The following NCAPD3 variants were observed in gnomAD, a reference collection of about 807,000 sequenced individuals.
NCAPD3 encodes the protein non-SMC condensin II complex subunit D3.
A neutral mutation model predicts 182.9 loss-of-function variants in NCAPD3; 105 were observed. That is an observed-to-expected ratio of 0.57 (90% CI 0.49 to 0.68). The LOEUF (loss-of-function observed/expected upper bound fraction) is 0.68, where lower values mean the gene tolerates loss of function less well. NCAPD3 is among the 30% of genes least tolerant of loss of function. NCAPD3 has a pLI of 0.00. For synonymous variants in NCAPD3, 815 were observed against 679.9 expected (o/e 1.20, Z -3.09); for missense variants, 1,944 against 1,837.0 (o/e 1.06, Z -1.07).
intron 13 of NCAPD3, among the ~76,000 whole-genome samples, chr11:134,200,648 C>T (rs1442514309): frequency 1.3e-5 from 2 of 152,082 alleles, no homozygotes; most frequent in Non-Finnish European, 2.9e-5. Flanking sequence ...ATGGTGTGGC[C>T]ACTTTGAAAA....
chr11:134,161,646 AC>A, intron 28 of NCAPD3, 134 bp downstream of exon 28: 1 of 665,360 alleles, frequency 1.5e-6, no homozygotes, highest in Non-Finnish European at 2.7e-6. Context: ...CACAGCAGTT[AC>A]CAAGGTAATG....
rs10665918 is a variant in NCAPD3, at chr11:134,151,844, TATCA to T, written c.*1096_*1099del. On this transcript the variant is annotated 3_prime_UTR_variant, in exon 35 of 35. Coordinates refer to ENST00000534548, the MANE Select transcript of NCAPD3 (RefSeq NM_015261.3). ...GGTTAGGCATGCACACTAAAAATGC[TATCA>T]ATCACCCATCCACCAGGGAAGTCAG... 4.6e-5 allele frequency: 7 copies of T among 151,798 alleles called. No homozygotes were observed. Among genetic ancestry groups the T allele is most frequent in the African/African-American group, 1.7e-4 (7 of 41,394 alleles). 9.4% of individuals were successfully genotyped at this position (151,798 alleles called of 1,614,324 possible).
rs772186821 is a variant in NCAPD3 at position 134,216,927 on chromosome 11, T to TCTA, written c.382+6_382+8dup. 6.2e-7 allele frequency: 1 copy of TCTA among 1,601,174 alleles called. No homozygotes were observed. Among genetic ancestry groups the TCTA allele is most frequent in the Admixed American group, 1.7e-5 (1 of 57,182 alleles). ...AGAAGATTTATCCTATCATATCAGGTCTACATACCTGGTACTTCTAGTAGC... is the reference window on the plus strand; with the variant it reads ...AGAAGATTTATCCTATCATATCAGGTCTACTACATACCTGGTACTTCTAGTAGC... On this transcript the variant is annotated intron_variant, in intron 3 of 34. Coordinates refer to ENST00000534548, the MANE Select transcript of NCAPD3 (RefSeq NM_015261.3).
chr11:134,180,915 G>C lies in NCAPD3; in HGVS notation c.2559+162C>G, dbSNP rs77650492. Among the ~76,000 whole-genome samples the C allele has an allele frequency of 4.2e-3, 637 of 152,148 alleles. 4 individuals carry two copies. The highest frequency in any genetic ancestry group is 0.015 in the African/African-American group (609 of 41,526). On this transcript the variant is annotated intron_variant, in intron 20 of 34. Coordinates refer to ENST00000534548, the MANE Select transcript of NCAPD3 (RefSeq NM_015261.3). The stretch of plus-strand genomic sequence containing the variant: ...AAGTATATAAGAAAAAAATGAATAG[G>C]TTATCAATTTAAAAATATCTTCTAA...
intron 2 of NCAPD3, among the ~76,000 whole-genome samples, chr11:134,218,130 C>A (rs1938099347): frequency 2.3e-5 from 3 of 130,184 alleles, no homozygotes; most frequent in African/African-American, 9.0e-5. Context: ...GGGAAGAAAT[C>A]ATCTCCTAAC....
At position 134,209,171 on chromosome 11, in the gene NCAPD3, A is replaced by C. The variant is rs1937732580; in HGVS notation, c.768T>G (p.Leu256=). Residue 256 remains leucine, a synonymous_variant, in exon 6 of 35, where the codon CTT becomes CTG. Transcript: ENST00000534548. ...FVSLTNFEPV[L]HECHVTQARA... ...TGGCTTGTGTAACATGACATTCATG[A>C]AGAACTGGCTCAAAATTAGTTAATG... The C allele has an allele frequency of 1.2e-6, 2 of 1,613,470 alleles. No individual in the cohort carries two copies. Among genetic ancestry groups the C allele is most frequent in the African/African-American group, 1.3e-5 (1 of 74,900 alleles).
chr11:134,162,877 G>A (rs1943627696), intron 27 of NCAPD3, among the ~76,000 whole-genome samples: 1 of 152,226 alleles, frequency 6.6e-6, no homozygotes, highest in Admixed American at 6.5e-5. Flanking sequence ...GGTGTTAAGT[G>A]GCAGGGTGTT....
chr11:134,158,572 TG>T, intron 29 of NCAPD3, 77 bp from the exon 30 acceptor site: 2 of 1,455,798 alleles, frequency 1.4e-6, no homozygotes, highest in Admixed American at 3.8e-5. Flanking sequence ...TAGTTGTACA[TG>T]GTTGGGGGTC....
intron 24 of NCAPD3, among the ~76,000 whole-genome samples, chr11:134,175,250 A>G (rs1319635040): frequency 2.0e-5 from 3 of 152,204 alleles, no homozygotes; most frequent in Non-Finnish European, 4.4e-5. Flanking sequence ...TCCCAGGTGC[A>G]TCATCTGAAA....
At chr11:134,208,683 A>G (rs1276857662) in intron 7 of NCAPD3, among the ~76,000 whole-genome samples, 181 bp downstream of exon 7, 1 of 152,262 alleles carries the variant, frequency 6.6e-6, no homozygotes, top group Non-Finnish European at 1.5e-5. Flanking sequence ...AAAGTTGGCA[A>G]TAAAGAACAG....
At position 134,168,373 on chromosome 11, in the gene NCAPD3, G is replaced by A; in HGVS notation, c.3373+96C>T. ...AAGATGACAGGGGTCTTCCTGCAGT[G>A]CCAGGGTCTCCCTTACTAGAGGCCT... On this transcript the variant is annotated intron_variant, in intron 26 of 34. Coordinates refer to ENST00000534548, the MANE Select transcript of NCAPD3 (RefSeq NM_015261.3). 3 of 1,556,668 alleles carry A rather than the reference G, an allele frequency of 1.9e-6. 1 individual carries two copies. The highest frequency in any genetic ancestry group is 8.8e-7 in the Non-Finnish European group (1 of 1,133,878).
At chr11:134,179,045 CA>C in intron 20 of NCAPD3, 109 bp from the exon 21 acceptor site, 1 of 726,522 alleles carries the variant, frequency 1.4e-6, no homozygotes, top group Non-Finnish European at 2.3e-6. Flanking sequence ...AAATTTAAAA[CA>C]ATGTTACTAG....
intron 2 of NCAPD3, among the ~76,000 whole-genome samples, chr11:134,218,789 G>C (rs998985088): frequency 5.3e-5 from 8 of 152,050 alleles, no homozygotes; most frequent in African/African-American, 1.9e-4. Flanking sequence ...TGTAACTCCG[G>C]ATCATGCCAT....
At chr11:134,165,867 A>G (rs1466097074) in intron 27 of NCAPD3, among the ~76,000 whole-genome samples, 1 of 126,348 alleles carries the variant, frequency 7.9e-6, no homozygotes, top group East Asian at 2.6e-4. Context: ...GGGGAGCTGC[A>G]CACTCACTAG....
At chr11:134,191,654 T>G (rs1944527499) in intron 16 of NCAPD3, among the ~76,000 whole-genome samples, 1 of 152,204 alleles carries the variant, frequency 6.6e-6, no homozygotes, top group Non-Finnish European at 1.5e-5. Flanking sequence ...AGGAGGTATC[T>G]CTAAGAAAAG....
At chr11:134,223,182 T>C (rs1477062311) in intron 1 of NCAPD3, 4 of 545,646 alleles carry the variant, frequency 7.3e-6, no homozygotes, top group South Asian at 2.3e-5. Context: ...TTCAAAGCTG[T>C]GTTTTCAAAA....
chr11:134,206,654 G>C lies in NCAPD3; in HGVS notation c.961C>G (p.Leu321Val), dbSNP rs750400770. 2 of 1,613,514 alleles carry C rather than the reference G, an allele frequency of 1.2e-6. No homozygotes were observed. Among genetic ancestry groups the C allele is most frequent in the South Asian group, 1.1e-5 (1 of 90,974 alleles). Residue 321 changes from leucine (L) to valine (V), a missense_variant, in exon 8 of 35, where the codon CTT becomes GTT. By Grantham distance (32) the Leu-to-Val change is conservative. Around this residue, in one of 3 missense-constraint regions of NCAPD3, gnomAD observed 1,803 missense variants for 1,674.6 expected, o/e 1.08. Coordinates refer to ENST00000534548, the MANE Select transcript of NCAPD3 (RefSeq NM_015261.3). ...EVGEGSHRAP[L>V]AVTSQVINCR... is the part of the protein sequence containing the mutation. ...TTGATGACTTGGGAGGTAACAGCAAGGGGGGCACGATGGGATCCTTCACCA... is the reference window on the plus strand; with the variant it reads ...TTGATGACTTGGGAGGTAACAGCAACGGGGGCACGATGGGATCCTTCACCA...
chr11:134,178,451 A>C (rs1376082558), intron 22 of NCAPD3, 183 bp downstream of exon 22: 1 of 434,244 alleles, frequency 2.3e-6, no homozygotes, highest in African/African-American at 2.0e-5. Flanking sequence ...GAGGGCTCTC[A>C]TGACCAGCAC....
intron 27 of NCAPD3, among the ~76,000 whole-genome samples, chr11:134,162,300 C>T (rs1328590481): frequency 2.0e-5 from 3 of 152,196 alleles, no homozygotes; most frequent in East Asian, 1.9e-4. Context: ...AGGGACACTT[C>T]GTATTCCTGC....
Sources: gnomAD v4.1 joint callset for allele counts (sites outside exome capture counted in the v4.1 genomes callset) on GRCh38, gnomAD v4.1.1 for gene constraint, gnomAD v4.1.1 regional missense constraint, MANE v1.5 for transcripts, NCBI Gene and HGNC (gene_info 2026-07-23, HGNC 2026-07-21) for gene names.